The following ADAM18 variants were observed in gnomAD, a reference collection of about 807,000 sequenced individuals.
The protein encoded by ADAM18 is ADAM metallopeptidase domain 18, also known as disintegrin and metalloproteinase domain-containing protein 18.
A neutral mutation model predicts 94.4 loss-of-function variants in ADAM18; 117 were observed. The observed-to-expected ratio is 1.24, with a 90% CI of 1.07 to 1.45. ADAM18 has a LOEUF of 1.45. Among genes scored for constraint, ADAM18 ranks in the 40% most tolerant of loss-of-function variants. ADAM18 has a pLI of 0.00. For missense variants in ADAM18, 936 were observed against 880.0 expected (o/e 1.06, Z -0.81); for synonymous variants, 327 against 291.6 (o/e 1.12, Z -1.24).
At chr8:39,623,651 C>T (rs1166711599) in intron 6 of ADAM18, among the ~76,000 whole-genome samples, 1 of 152,140 alleles carries the variant, frequency 6.6e-6, no homozygotes, top group Non-Finnish European at 1.5e-5. Context: ...GGCTGGAGTG[C>T]AGTGGGGTGA....
chr8:39,678,303 G>A (rs1821351200), intron 15 of ADAM18, among the ~76,000 whole-genome samples: 1 of 152,206 alleles, frequency 6.6e-6, no homozygotes, highest in African/African-American at 2.4e-5. Flanking sequence ...AAGCAATACA[G>A]TTCCTTTATT....
intron 6 of ADAM18, among the ~76,000 whole-genome samples, chr8:39,626,921 G>T (rs1463331371): frequency 6.6e-6 from 1 of 152,058 alleles, no homozygotes; most frequent in Non-Finnish European, 1.5e-5. Flanking sequence ...ATTTGTTCTA[G>T]AGTATGGTTT....
intron 14 of ADAM18, among the ~76,000 whole-genome samples, chr8:39,670,362 A>T (rs1018998211): frequency 2.0e-5 from 3 of 152,084 alleles, no homozygotes; most frequent in African/African-American, 7.2e-5. Context: ...CCCCTAATTC[A>T]TTCATTTCCC....
At chr8:39,705,096 ACT>A (rs558331653) in intron 17 of ADAM18, among the ~76,000 whole-genome samples, 36 of 152,072 alleles carry the variant, frequency 2.4e-4, no homozygotes, top group Non-Finnish European at 4.1e-4. Flanking sequence ...AAACTTTGAA[ACT>A]CTGTTCTACT....
intron 16 of ADAM18, among the ~76,000 whole-genome samples, chr8:39,682,320 G>T (rs2129580605): frequency 6.6e-6 from 1 of 152,264 alleles, no homozygotes; most frequent in South Asian, 2.1e-4. Flanking sequence ...TGTAATAAAT[G>T]CCAAAGAGAT....
At chr8:39,668,749 A>G (rs1410448119) in intron 14 of ADAM18, among the ~76,000 whole-genome samples, 2 of 152,108 alleles carry the variant, frequency 1.3e-5, no homozygotes. Flanking sequence ...ATATCCAAAT[A>G]TAATTTTGTA....
At chr8:39,726,259 C>CAT (rs776755168) in intron 19 of ADAM18, among the ~76,000 whole-genome samples, 1 of 139,686 alleles carries the variant, frequency 7.2e-6, no homozygotes, top group East Asian at 2.0e-4. Context: ...ATGAGATCTA[C>CAT]ACACACACAC....
intron 9 of ADAM18, 21 bp downstream of exon 9, chr8:39,637,724 TAA>T: frequency 6.6e-7 from 1 of 1,505,896 alleles, no homozygotes; most frequent in Non-Finnish European, 8.9e-7. Context: ...TGTTCTACAT[TAA>T]TAAAGATATC....
intron 12 of ADAM18, among the ~76,000 whole-genome samples, chr8:39,659,790 G>A (rs1820786030): frequency 1.3e-5 from 2 of 151,920 alleles, no homozygotes; most frequent in Admixed American, 6.6e-5. Flanking sequence ...AAAATTCCAT[G>A]GGTTATTTTA....
chr8:39,671,391 A>T (rs1257348786), intron 14 of ADAM18, among the ~76,000 whole-genome samples: 3 of 152,226 alleles, frequency 2.0e-5, no homozygotes, highest in Non-Finnish European at 2.9e-5. Context: ...TTAGGAAAAT[A>T]TAACAAAAGG....
At chr8:39,714,983 A>G (rs1316489153) in intron 18 of ADAM18, among the ~76,000 whole-genome samples, 2 of 152,108 alleles carry the variant, frequency 1.3e-5, no homozygotes, top group Non-Finnish European at 2.9e-5. Flanking sequence ...AACTTGATCT[A>G]GTTATATTTA....
chr8:39,609,214 C>T, intron 4 of ADAM18, 94 bp downstream of exon 4: 1 of 922,242 alleles, frequency 1.1e-6, no homozygotes, highest in Non-Finnish European at 1.6e-6. Context: ...AATGTTTTAT[C>T]CTTACTGACA....
At chr8:39,687,233 C>T (rs1365399863) in intron 16 of ADAM18, among the ~76,000 whole-genome samples, 1 of 152,156 alleles carries the variant, frequency 6.6e-6, no homozygotes. Context: ...ATGCAATATT[C>T]ACATAAATTT....
rs191917431 is a variant in ADAM18 at position 39,700,887 on chromosome 8, G to A, written c.1903-5903G>A. 5.8e-3 allele frequency among the ~76,000 whole-genome samples: 871 copies of A among 151,436 alleles called. 5 individuals carry two copies. Among genetic ancestry groups the A allele is most frequent in the African/African-American group, 0.02 (828 of 41,314 alleles). On this transcript the variant is annotated intron_variant, in intron 17 of 19. Transcript: ENST00000265707. ...TAATGCACTTTGGGAGGCCGAGGCG[G>A]GCGGATCACGAGGTCAGGAGATCGA... is the stretch of plus-strand genomic sequence containing the variant.
intron 15 of ADAM18, among the ~76,000 whole-genome samples, chr8:39,678,949 T>C (rs752358066): frequency 3.9e-5 from 6 of 152,144 alleles, no homozygotes; most frequent in Non-Finnish European, 8.8e-5. Context: ...GGAGGAAGAA[T>C]TTGTACTCAG....
chr8:39,725,939 T>A (rs942513835), intron 19 of ADAM18, among the ~76,000 whole-genome samples: 4 of 152,148 alleles, frequency 2.6e-5, no homozygotes, highest in African/African-American at 9.7e-5. Flanking sequence ...CTGTTTTCCA[T>A]AATGGCTATA....
At chr8:39,595,644 C>T (rs1448208717) in intron 2 of ADAM18, among the ~76,000 whole-genome samples, 1 of 152,054 alleles carries the variant, frequency 6.6e-6, no homozygotes, top group East Asian at 1.9e-4. Context: ...GCCTCAGCCT[C>T]CCAAATAGCT....
chr8:39,646,963 G>A (rs1820397735), intron 11 of ADAM18, among the ~76,000 whole-genome samples: 1 of 152,124 alleles, frequency 6.6e-6, no homozygotes, highest in Non-Finnish European at 1.5e-5. Flanking sequence ...TAACATTTGA[G>A]CAGACATCTG....
chr8:39,692,768 A>G lies in ADAM18; in HGVS notation c.1902+88A>G. 3 of 1,039,884 alleles carry G rather than the reference A, an allele frequency of 2.9e-6. No homozygotes were observed. The Admixed American group carries it at 6.9e-5, about 24-fold the overall frequency. 64.4% of individuals were successfully genotyped at this position (1,039,884 alleles called of 1,614,324 possible). A position where few individuals can be genotyped will look rare whatever the true frequency, so the allele number is the denominator to read the frequency against. ...TTATGAGGATTGAGAGTCTAGGTTG[A>G]CTTGCCTAGCTCTGGTAGACTAATA... is the stretch of plus-strand genomic sequence containing the variant. On this transcript the variant is annotated intron_variant, in intron 17 of 19. Coordinates refer to ENST00000265707, the MANE Select transcript of ADAM18 (RefSeq NM_014237.3).
Sources: allele counts gnomAD v4.1 joint callset (sites outside exome capture counted in the v4.1 genomes callset), GRCh38; gene constraint gnomAD v4.1.1; transcripts MANE v1.5; gene names NCBI Gene and HGNC (gene_info 2026-07-23, HGNC 2026-07-21).